GRAMD1C: variants seen among roughly 807,000 people sequenced by gnomAD.
GRAMD1C encodes GRAM domain containing 1C.
A neutral mutation model predicts 97.8 loss-of-function variants in GRAMD1C; 89 were observed. The ratio of observed to expected loss-of-function variants is 0.91; its 90% confidence interval spans 0.77 to 1.09. The LOEUF is 1.09. GRAMD1C is among the 50% of genes least tolerant of loss of function. The pLI is 0.00. For synonymous variants in GRAMD1C, 256 were observed against 267.0 expected (o/e 0.96, Z 0.40); for missense variants, 740 against 766.4 (o/e 0.97, Z 0.41).
At chr3:113,852,149 C>T (rs1326773021) in intron 2 of GRAMD1C, among the ~76,000 whole-genome samples, 3 of 151,894 alleles carry the variant, frequency 2.0e-5, no homozygotes, top group African/African-American at 7.3e-5. Flanking sequence ...TTTATACATA[C>T]ATAGTAAGGA....
At chr3:113,875,983 A>C (rs185151253) in intron 4 of GRAMD1C, 182 bp from the exon 5 acceptor site, 209 of 501,286 alleles carry the variant, frequency 4.2e-4, no homozygotes, top group African/African-American at 4.0e-3. Context: ...TGCAGGGCAA[A>C]CTGCTTACCC....
chr3:113,910,467 A>G (rs1936527060), intron 9 of GRAMD1C, among the ~76,000 whole-genome samples: 1 of 152,226 alleles, frequency 6.6e-6, no homozygotes, highest in African/African-American at 2.4e-5. Flanking sequence ...GATAAAGAGA[A>G]TCATGACCCA....
intron 12 of GRAMD1C, among the ~76,000 whole-genome samples, chr3:113,934,030 G>T (rs919070108): frequency 6.6e-6 from 1 of 152,102 alleles, no homozygotes; most frequent in African/African-American, 2.4e-5. Flanking sequence ...GAGAAATGTT[G>T]GTGCATTACA....
rs888519035 is a variant in GRAMD1C, at chr3:113,937,185, C to T, written c.1633+743C>T. On this transcript the variant is annotated intron_variant, in intron 14 of 17. Coordinates refer to ENST00000358160, the MANE Select transcript of GRAMD1C (RefSeq NM_017577.5). ...TTATCTTCATTCTCAATTTTGAACA[C>T]ATCTTACTTTTAATAACTGTTATTC... 3.9e-5 allele frequency among the ~76,000 whole-genome samples: 6 copies of T among 152,318 alleles called. No homozygotes were observed. The East Asian group carries it at 5.8e-4, about 15-fold the overall frequency.
intron 2 of GRAMD1C, chr3:113,850,639 C>T: frequency 1.9e-6 from 3 of 1,607,466 alleles, no homozygotes; most frequent in Non-Finnish European, 2.5e-6. Flanking sequence ...AGCTCGGGTG[C>T]TTAGGCATGT....
intron 6 of GRAMD1C, chr3:113,897,834 T>A (rs563699252): frequency 2.5e-6 from 2 of 794,844 alleles, no homozygotes; most frequent in South Asian, 5.8e-5. Context: ...AGCTTGTGTT[T>A]AAAATTTAGG....
intron 2 of GRAMD1C, among the ~76,000 whole-genome samples, chr3:113,862,294 C>G (rs1226443762): frequency 6.6e-6 from 1 of 152,168 alleles, no homozygotes; most frequent in East Asian, 1.9e-4. Flanking sequence ...ACAGCTGTGA[C>G]TGTAAAAGAG....
At chr3:113,919,767 C>A in intron 10 of GRAMD1C, 2 of 591,642 alleles carry the variant, frequency 3.4e-6, no homozygotes, top group South Asian at 1.5e-5. Context: ...TATAGTAAGT[C>A]AAAGTATCAT....
rs1935138888 is a variant in GRAMD1C at position 113,878,570 on chromosome 3, TTATCCATC to T, written c.459+2319_459+2326del. ...TATATACACTCACTTATACATCTGTTTATCCATCTATCCATCCATCCATCTAAAACATA... is the reference window on the plus strand; with the variant it reads ...TATATACACTCACTTATACATCTGTTTATCCATCCATCCATCTAAAACATA... On this transcript the variant is annotated intron_variant, in intron 5 of 17. Coordinates refer to ENST00000358160, the MANE Select transcript of GRAMD1C (RefSeq NM_017577.5). Among the ~76,000 whole-genome samples the T allele has an allele frequency of 3.9e-5, 6 of 152,266 alleles. No homozygotes were observed. The South Asian group carries it at 1.2e-3, about 32-fold the overall frequency.
rs1938087030 is a variant in GRAMD1C at position 113,946,469 on chromosome 3, G to C, written c.*991G>C. On this transcript the variant is annotated 3_prime_UTR_variant, in exon 18 of 18. Coordinates refer to ENST00000358160, the MANE Select transcript of GRAMD1C (RefSeq NM_017577.5). ...CCAGTACAAGTGTACTGACTATCAAGTTTTAACTCAGATGCAAGCTTTGGC... is the reference window on the plus strand; with the variant it reads ...CCAGTACAAGTGTACTGACTATCAACTTTTAACTCAGATGCAAGCTTTGGC... The C allele has an allele frequency of 6.6e-6, 1 of 152,194 alleles. No individual in the cohort carries two copies. The highest frequency in any genetic ancestry group is 2.1e-4 in the South Asian group (1 of 4,832). The allele number at this position is 152,194 out of a possible 1,614,324, so 9.4% of individuals were successfully genotyped here.
upstream of GRAMD1C, chr3:113,838,405 C>T (rs1176502833): frequency 1.3e-5 from 2 of 152,630 alleles, no homozygotes; most frequent in Non-Finnish European, 2.9e-5. Flanking sequence ...AACCTTGTCT[C>T]TACTAAAAAT....
intron 10 of GRAMD1C, among the ~76,000 whole-genome samples, chr3:113,927,984 C>G (rs1201332216): frequency 6.6e-6 from 1 of 152,134 alleles, no homozygotes; most frequent in Non-Finnish European, 1.5e-5. Flanking sequence ...CTCTCTGCCT[C>G]AGTTTAGAAG....
intron 10 of GRAMD1C, 37 bp downstream of exon 10, chr3:113,915,875 G>A (rs975377026): frequency 1.4e-6 from 2 of 1,481,340 alleles, no homozygotes; most frequent in Admixed American, 3.5e-5. Flanking sequence ...ATAAATTTGG[G>A]AGAATGCTAT....
At chr3:113,879,134 G>A (rs2107392773) in intron 5 of GRAMD1C, among the ~76,000 whole-genome samples, 1 of 152,082 alleles carries the variant, frequency 6.6e-6, no homozygotes, top group African/African-American at 2.4e-5. Context: ...GAACCCGGGG[G>A]GTGGAGGTTG....
chr3:113,924,712 T>G (rs1937177169), intron 10 of GRAMD1C, among the ~76,000 whole-genome samples: 1 of 152,224 alleles, frequency 6.6e-6, no homozygotes, highest in South Asian at 2.1e-4. Flanking sequence ...TTAGAGTATG[T>G]GCCAGGTGCA....
Position 113,838,859 on chromosome 3 carries a change from G to A in GRAMD1C, c.-51G>A. ...CGCGCGCTGGAGGTGGGCGCGGGGC[G>A]GTGCGGTGCGGTGCGCGCGGGGCGG... is the stretch of plus-strand genomic sequence containing the variant. On this transcript the variant is annotated 5_prime_UTR_variant, in exon 1 of 18. Coordinates refer to ENST00000358160, the MANE Select transcript of GRAMD1C (RefSeq NM_017577.5). The A allele has an allele frequency of 3.3e-6, 4 of 1,206,220 alleles. No individual in the cohort carries two copies. The highest frequency in any genetic ancestry group is 1.6e-5 in the African/African-American group (1 of 63,700). The allele number at this position is 1,206,220 out of a possible 1,614,324, so 74.7% of individuals were successfully genotyped here.
chr3:113,878,630 C>T (rs115739539), intron 5 of GRAMD1C, among the ~76,000 whole-genome samples: 1,550 of 152,196 alleles, frequency 0.01, 20 homozygotes, highest in African/African-American at 0.034. Flanking sequence ...TATGTAATCA[C>T]GTGATTTATA....
intron 2 of GRAMD1C, among the ~76,000 whole-genome samples, chr3:113,865,096 A>G (rs1934535525): frequency 6.6e-6 from 1 of 152,172 alleles, no homozygotes; most frequent in Non-Finnish European, 1.5e-5. Flanking sequence ...TCATAATATG[A>G]TGGATGCCAT....
chr3:113,892,649 A>C (rs1217574104), intron 6 of GRAMD1C, among the ~76,000 whole-genome samples: 1 of 152,214 alleles, frequency 6.6e-6, no homozygotes, highest in Non-Finnish European at 1.5e-5. Context: ...GCTTCAGCTT[A>C]GTTCACAGTC....
Sources: gnomAD v4.1 joint callset for allele counts (sites outside exome capture counted in the v4.1 genomes callset) on GRCh38, gnomAD v4.1.1 for gene constraint, MANE v1.5 for transcripts, NCBI Gene and HGNC (gene_info 2026-07-23, HGNC 2026-07-21) for gene names.